The following BCAS3 variants were observed in gnomAD, a reference collection of about 807,000 sequenced individuals.
The protein encoded by BCAS3 is BCAS4/BCAS3 fusion.
Under a neutral mutation model 116.1 loss-of-function variants are expected in BCAS3, and 53 were observed. That is an observed-to-expected ratio of 0.46 (90% CI 0.37 to 0.57). The LOEUF (loss-of-function observed/expected upper bound fraction) is 0.57, where lower values mean the gene tolerates loss of function less well. Among genes scored for constraint, BCAS3 ranks in the 20% least tolerant of loss-of-function variants. BCAS3 has a pLI of 0.00. For missense variants in BCAS3, 917 were observed against 1,165.4 expected (o/e 0.79, Z 3.10); for synonymous variants, 391 against 408.2 (o/e 0.96, Z 0.51).
intron 22 of BCAS3, among the ~76,000 whole-genome samples, chr17:61,336,469 C>G (rs1410364539): frequency 1.3e-5 from 2 of 152,182 alleles, no homozygotes; most frequent in Non-Finnish European, 2.9e-5. Flanking sequence ...AGCTTTCTTC[C>G]TGTTCTCTGT....
rs868424363 is a variant in BCAS3, at chr17:61,110,713, G to C, written c.2425+26149G>C. Among the ~76,000 whole-genome samples, 1,429 of 152,070 alleles carry C rather than the reference G, an allele frequency of 9.4e-3. 15 individuals are homozygous for C. Among genetic ancestry groups the C allele is most frequent in the African/African-American group, 0.033 (1,369 of 41,486 alleles). Reference sequence around the variant, plus strand: ...GCTTGCTTAGGTAAACAAAGCAGCCGGGAAGCTCCAACTGGGTGGAGCCCA... The same window carrying C: ...GCTTGCTTAGGTAAACAAAGCAGCCCGGAAGCTCCAACTGGGTGGAGCCCA... On this transcript the variant is annotated intron_variant, in intron 22 of 23. Coordinates refer to ENST00000407086, the MANE Select transcript of BCAS3 (RefSeq NM_017679.5).
Position 61,200,235 on chromosome 17 carries a change from G to A in BCAS3, c.2425+115671G>A, listed in dbSNP as rs2080740703. 6.6e-6 allele frequency among the ~76,000 whole-genome samples: 1 copy of A among 152,204 alleles called. No homozygotes were observed. The highest frequency in any genetic ancestry group is 1.5e-5 in the Non-Finnish European group (1 of 68,036). On this transcript the variant is annotated intron_variant, in intron 22 of 23. Transcript: ENST00000407086. The surrounding 1 kb of genome is among the most constrained non-coding windows in gnomAD (Gnocchi z 5.1). Reference sequence around the variant, plus strand: ...TTCAGGTCCCAAAGGCAGCTTGCTTGAGACATCAGAAGGAGTCAGAGTGGT... The same window carrying A: ...TTCAGGTCCCAAAGGCAGCTTGCTTAAGACATCAGAAGGAGTCAGAGTGGT...
intron 6 of BCAS3, among the ~76,000 whole-genome samples, chr17:60,761,020 A>G (rs1430679312): frequency 6.6e-6 from 1 of 151,660 alleles, no homozygotes; most frequent in Non-Finnish European, 1.5e-5. Flanking sequence ...TATATTTTGC[A>G]TTTTATTCAT....
intron 22 of BCAS3, among the ~76,000 whole-genome samples, chr17:61,238,408 A>C (rs372765934): frequency 1.4e-4 from 21 of 151,890 alleles, no homozygotes; most frequent in African/African-American, 5.1e-4. Flanking sequence ...TTTTTAGTAG[A>C]GATGGGGTTT....
chr17:61,283,972 C>T (rs918385634), intron 22 of BCAS3, among the ~76,000 whole-genome samples: 1 of 152,108 alleles, frequency 6.6e-6, no homozygotes, highest in East Asian at 1.9e-4. Flanking sequence ...ACCTGGGCAG[C>T]TTTAGTTGTA....
At chr17:61,385,878 A>G (rs10853030) in intron 23 of BCAS3, among the ~76,000 whole-genome samples, 127,570 of 152,172 alleles carry the variant, frequency 0.84, 53,687 homozygotes, top group East Asian at 0.94. Flanking sequence ...CACATCTGCC[A>G]TCTTCCTCCC....
chr17:61,027,993 A>G (rs954191217), intron 16 of BCAS3, among the ~76,000 whole-genome samples: 2 of 151,928 alleles, frequency 1.3e-5, no homozygotes, highest in African/African-American at 2.4e-5. Flanking sequence ...AATGTAAGCT[A>G]TATTAATTTT....
At chr17:60,792,646 GGAGT>G (rs1348239378) in intron 6 of BCAS3, among the ~76,000 whole-genome samples, 1 of 152,154 alleles carries the variant, frequency 6.6e-6, no homozygotes, top group African/African-American at 2.4e-5. Context: ...CCCTCCCTAG[GGAGT>G]GAGTGAGTTC....
intron 12 of BCAS3, among the ~76,000 whole-genome samples, chr17:60,913,249 A>G (rs1007618244): frequency 2.6e-5 from 4 of 152,126 alleles, no homozygotes; most frequent in Non-Finnish European, 4.4e-5. Context: ...ATGTTGTTCA[A>G]CATGGAACAT....
intron 22 of BCAS3, among the ~76,000 whole-genome samples, chr17:61,267,735 A>AG: frequency 6.6e-6 from 1 of 151,720 alleles, no homozygotes; most frequent in East Asian, 1.9e-4. Context: ...AAAAAAAAAA[A>AG]AAGAAAAGAA....
chr17:61,242,234 C>G (rs1182204198), intron 22 of BCAS3, among the ~76,000 whole-genome samples: 1 of 150,928 alleles, frequency 6.6e-6, no homozygotes, highest in African/African-American at 2.4e-5. Context: ...CAGGATTGCA[C>G]CATTGCACTC....
At chr17:60,739,307 G>A (rs1024124827) in intron 5 of BCAS3, among the ~76,000 whole-genome samples, 6 of 152,070 alleles carry the variant, frequency 3.9e-5, no homozygotes, top group Admixed American at 2.0e-4. Context: ...ACTATTATCT[G>A]TAAAAAAATC....
At chr17:61,209,454 A>C (rs1417962138) in intron 22 of BCAS3, among the ~76,000 whole-genome samples, 1 of 152,236 alleles carries the variant, frequency 6.6e-6, no homozygotes, top group Non-Finnish European at 1.5e-5. Flanking sequence ...GATTGGGAGA[A>C]TAGGAAAATT....
At chr17:61,312,325 C>A (rs2054380214) in intron 22 of BCAS3, among the ~76,000 whole-genome samples, 1 of 152,160 alleles carries the variant, frequency 6.6e-6, no homozygotes, top group Non-Finnish European at 1.5e-5. Context: ...GCTAGCAAGT[C>A]CAGTAGATGC....
chr17:61,004,716 A>G lies in BCAS3; in HGVS notation c.1487-11035A>G, dbSNP rs1240460766. Among the ~76,000 whole-genome samples the G allele has an allele frequency of 6.6e-6, 1 of 152,136 alleles. No individual in the cohort carries two copies. Among genetic ancestry groups the G allele is most frequent in the African/African-American group, 2.4e-5 (1 of 41,446 alleles). The stretch of plus-strand genomic sequence containing the variant: ...AAGGAAAAGGATTTAAGGTTCATTG[A>G]AAGAGTTATTAACATTGGATGATGT... On this transcript the variant is annotated intron_variant, in intron 15 of 23. Coordinates refer to ENST00000407086, the MANE Select transcript of BCAS3 (RefSeq NM_017679.5). The surrounding 1 kb of genome is among the most constrained non-coding windows in gnomAD (Gnocchi z 4.8).
intron 11 of BCAS3, 43 bp from the exon 12 acceptor site, chr17:60,910,489 A>C: frequency 1.4e-6 from 2 of 1,471,894 alleles, no homozygotes; most frequent in Non-Finnish European, 1.8e-6. Context: ...TGTAGAATCC[A>C]AATACTGATG....
intron 22 of BCAS3, among the ~76,000 whole-genome samples, chr17:61,166,820 TCCTC>T (rs1384508871): frequency 6.6e-6 from 1 of 152,170 alleles, no homozygotes; most frequent in Non-Finnish European, 1.5e-5. Context: ...GGTAGAGTCA[TCCTC>T]CCACTTCAGC....
At chr17:61,319,899 T>TA (rs1443985923) in intron 22 of BCAS3, among the ~76,000 whole-genome samples, 2 of 150,368 alleles carry the variant, frequency 1.3e-5, no homozygotes, top group South Asian at 4.2e-4. Context: ...ATTTTTTATT[T>TA]TTTTTTTTTG....
intron 5 of BCAS3, among the ~76,000 whole-genome samples, chr17:60,729,950 A>G (rs1259959347): frequency 6.6e-6 from 1 of 152,202 alleles, no homozygotes; most frequent in African/African-American, 2.4e-5. Context: ...CGTGTGTGTC[A>G]CTGTAGTCTG....
Sources: allele counts gnomAD v4.1 joint callset (sites outside exome capture counted in the v4.1 genomes callset), GRCh38; gene constraint gnomAD v4.1.1; non-coding constraint Gnocchi (gnomAD v3.1); transcripts MANE v1.5; gene names NCBI Gene and HGNC (gene_info 2026-07-23, HGNC 2026-07-21).